Variants in G3BP2 observed in about 807,000 individuals in gnomAD.
G3BP2 encodes the protein ras GTPase-activating protein-binding protein 2.
A neutral mutation model predicts 56.7 loss-of-function variants in G3BP2; 11 were observed. That is an observed-to-expected ratio of 0.19 (90% confidence interval 0.12 to 0.32). G3BP2 has a LOEUF of 0.32. Among genes scored for constraint, G3BP2 ranks in the 10% least tolerant of loss-of-function variants. G3BP2 has a pLI of 1.00. For missense variants in G3BP2, 340 were observed against 610.9 expected (o/e 0.56, Z 4.67); for synonymous variants, 165 against 191.6 (o/e 0.86, Z 1.15).
chr4:75,714,646 A>T (rs1243709377), intron 3 of G3BP2, among the ~76,000 whole-genome samples: 3 of 152,162 alleles, frequency 2.0e-5, no homozygotes, highest in African/African-American at 7.2e-5. Context: ...AAAGAAAAGA[A>T]ATGATAAAGC....
intron 6 of G3BP2, 112 bp downstream of exon 6, chr4:75,655,656 G>A (rs1732039490): frequency 3.1e-6 from 2 of 652,818 alleles, no homozygotes; most frequent in East Asian, 5.1e-5. Flanking sequence ...CTCAAATACT[G>A]ACATAATAGG....
At chr4:75,645,777 G>T in intron 11 of G3BP2, 75 bp from the exon 12 acceptor site, 2 of 1,321,608 alleles carry the variant, frequency 1.5e-6, no homozygotes, top group Non-Finnish European at 2.1e-6. Context: ...GAACAGGTCA[G>T]TCAGATAAGC....
upstream of G3BP2, among the ~76,000 whole-genome samples, chr4:75,676,597 C>T (rs952584076): frequency 6.6e-6 from 1 of 152,124 alleles, no homozygotes; most frequent in Non-Finnish European, 1.5e-5. Flanking sequence ...CCCACTTCGC[C>T]GAATTGTCAA....
intron 2 of G3BP2, 122 bp downstream of exon 2, chr4:75,661,809 C>A: frequency 7.0e-6 from 4 of 573,568 alleles, no homozygotes; most frequent in Non-Finnish European, 1.3e-5. Context: ...ATATTGAATA[C>A]AGTTTAGACA....
chr4:75,674,718 A>ATTT (rs71203842), upstream of G3BP2, among the ~76,000 whole-genome samples: 6 of 71,424 alleles, frequency 8.4e-5, no homozygotes, highest in African/African-American at 2.4e-4. Context: ...ATATATATAT[A>ATTT]TTTTTTTTTT....
At chr4:75,673,578 G>C, upstream of G3BP2, 6 of 1,231,838 alleles carry the variant, frequency 4.9e-6, no homozygotes, top group African/African-American at 1.5e-5. Context: ...GCTCGCACAC[G>C]CTCGCGCCCG....
chr4:75,720,069 T>TGCAGTG (rs1369062919), intron 3 of G3BP2, among the ~76,000 whole-genome samples: 1 of 114,966 alleles, frequency 8.7e-6, no homozygotes, highest in Admixed American at 1.2e-4. Context: ...TGGGCTGGAG[T>TGCAGTG]GCAGTGGCAC....
At chr4:75,682,777 C>G (rs1406914837) in intron 3 of G3BP2, among the ~76,000 whole-genome samples, 1 of 151,612 alleles carries the variant, frequency 6.6e-6, no homozygotes, top group Non-Finnish European at 1.5e-5. Context: ...GTCAGGAGAT[C>G]GAGACCATCC....
intron 8 of G3BP2, 45 bp downstream of exon 8, chr4:75,653,938 G>A (rs929596409): frequency 1.2e-6 from 1 of 827,014 alleles, no homozygotes; most frequent in Non-Finnish European, 2.1e-6. Context: ...TAAGCAATTG[G>A]CAATGTAACA....
At chr4:75,666,095 TATA>T (rs1203656915) in intron 1 of G3BP2, among the ~76,000 whole-genome samples, 2 of 152,128 alleles carry the variant, frequency 1.3e-5, no homozygotes, top group Non-Finnish European at 2.9e-5. Flanking sequence ...ATAATACATA[TATA>T]ATATCACAGG....
chr4:75,671,245 A>T (rs1295759806), intron 1 of G3BP2, among the ~76,000 whole-genome samples: 2 of 152,218 alleles, frequency 1.3e-5, no homozygotes, highest in Non-Finnish European at 2.9e-5. Context: ...TTCAAAATCA[A>T]CATTGAAAAG....
chr4:75,719,748 C>A (rs1239461440), intron 3 of G3BP2, among the ~76,000 whole-genome samples: 1 of 151,990 alleles, frequency 6.6e-6, no homozygotes, highest in Non-Finnish European at 1.5e-5. Context: ...CACCACCACG[C>A]TCGGCTAATT....
At chr4:75,673,599 GA>G, upstream of G3BP2, 3 of 1,231,712 alleles carry the variant, frequency 2.4e-6, no homozygotes, top group Non-Finnish European at 3.0e-6. Flanking sequence ...GAAAGCCGGG[GA>G]ACCGGAACCG....
At chr4:75,686,070 A>T (rs1464439871) in intron 3 of G3BP2, among the ~76,000 whole-genome samples, 2 of 152,176 alleles carry the variant, frequency 1.3e-5, no homozygotes. Flanking sequence ...TCCAGTCCAT[A>T]TTTGCTCAGC....
At chr4:75,653,604 A>C (rs1489014669) in intron 8 of G3BP2, among the ~76,000 whole-genome samples, 1 of 151,128 alleles carries the variant, frequency 6.6e-6, no homozygotes, top group Non-Finnish European at 1.5e-5. Context: ...AAAAAAAAAA[A>C]AACAAAAACG....
chr4:75,657,077 T>C, intron 4 of G3BP2, 63 bp from the exon 5 acceptor site: 1 of 696,058 alleles, frequency 1.4e-6, no homozygotes, highest in Non-Finnish European at 2.5e-6. Flanking sequence ...AAAGAGCAAA[T>C]TACATGGCAT....
chr4:75,686,895 C>T (rs192118175), intron 3 of G3BP2, among the ~76,000 whole-genome samples: 99 of 152,138 alleles, frequency 6.5e-4, no homozygotes, highest in African/African-American at 2.3e-3. Flanking sequence ...GCATTTCCTC[C>T]CTACTTTTCT....
chr4:75,677,166 A>T (rs1268538646), upstream of G3BP2, among the ~76,000 whole-genome samples: 3 of 152,246 alleles, frequency 2.0e-5, no homozygotes, highest in Non-Finnish European at 2.9e-5. Context: ...ATTTGAATTT[A>T]TAAAGCTTTT....
In G3BP2 at chr4:75,657,619, A is replaced by C. The variant is rs761408391; in HGVS notation, c.289T>G (p.Leu97Val). 8.7e-6 allele frequency: 14 copies of C among 1,613,622 alleles called. No individual in the cohort carries two copies. Among genetic ancestry groups the C allele is most frequent in the Non-Finnish European group, 2.5e-6 (3 of 1,179,710 alleles). Residue 97 changes from leucine (L) to valine (V), a missense_variant, in exon 4 of 12, where the codon TTG becomes GTG. By Grantham distance (32) the Leu-to-Val change is conservative. Coordinates refer to ENST00000359707, the MANE Select transcript of G3BP2 (RefSeq NM_203505.3). ...SDGVVVQVMGLLSNSGQPERK... is the reference protein window; with the variant it reads ...SDGVVVQVMGVLSNSGQPERK... ...TCTGGTTGTCCACTGTTAGACAGCA[A>C]ACCCATGACCTGGACAACTACTCCA...
Sources: gnomAD v4.1 joint callset for allele counts (sites outside exome capture counted in the v4.1 genomes callset) on GRCh38, gnomAD v4.1.1 for gene constraint, MANE v1.5 for transcripts, NCBI Gene and HGNC (gene_info 2026-07-23, HGNC 2026-07-21) for gene names.